The following RFX3 variants were observed in gnomAD, a reference collection of about 807,000 sequenced individuals.
RFX3 encodes the protein transcription factor RFX3.
A neutral mutation model predicts 98.6 loss-of-function variants in RFX3; 14 were observed. The ratio of observed to expected loss-of-function variants is 0.14; its 90% CI spans 0.09 to 0.22. RFX3 has a LOEUF of 0.22. Ranked by LOEUF, RFX3 falls within the 10% of genes least tolerant of loss-of-function variation. The pLI is 1.00. For synonymous variants in RFX3, 383 were observed against 328.4 expected, an observed-to-expected ratio of 1.17 and a Z score of -1.80; for missense variants, 639 against 926.9, an observed-to-expected ratio of 0.69 and a Z score of 4.03.
chr9:3,374,627 G>A (rs562076788), intron 2 of RFX3, among the ~76,000 whole-genome samples: 5 of 152,134 alleles, frequency 3.3e-5, no homozygotes, highest in Admixed American at 6.5e-5. Context: ...GACAAATACA[G>A]TATGATTCTA....
At chr9:3,248,285 T>A in intron 14 of RFX3, 100 bp from the exon 15 acceptor site, 1 of 1,407,318 alleles carries the variant, frequency 7.1e-7, no homozygotes, top group Non-Finnish European at 9.3e-7. Context: ...TGGGAGTCTA[T>A]ATGGTTGGTA....
chr9:3,305,220 T>C (rs1431575327), intron 4 of RFX3, among the ~76,000 whole-genome samples: 1 of 151,970 alleles, frequency 6.6e-6, no homozygotes, highest in Non-Finnish European at 1.5e-5. Context: ...CATGTATATA[T>C]GGGAGTGGTA....
intron 1 of RFX3, among the ~76,000 whole-genome samples, chr9:3,518,118 T>G (rs896116207): frequency 6.6e-6 from 1 of 152,242 alleles, no homozygotes; most frequent in African/African-American, 2.4e-5. Flanking sequence ...TATGCTATAC[T>G]ATATAGCATA....
At chr9:3,338,946 G>A (rs955171510) in intron 3 of RFX3, among the ~76,000 whole-genome samples, 6 of 151,892 alleles carry the variant, frequency 4.0e-5, no homozygotes, top group Non-Finnish European at 7.4e-5. Flanking sequence ...AAAATTAGCC[G>A]GGCGTGGTGG....
chr9:3,437,362 C>T (rs944044371), intron 1 of RFX3, among the ~76,000 whole-genome samples: 2 of 152,048 alleles, frequency 1.3e-5, no homozygotes, highest in African/African-American at 4.8e-5. Flanking sequence ...ATAAACAGGG[C>T]AGAAAGCACC....
At chr9:3,263,182 T>C in intron 12 of RFX3, 98 bp from the exon 13 acceptor site, 2 of 1,270,184 alleles carry the variant, frequency 1.6e-6, no homozygotes, top group South Asian at 1.4e-5. Flanking sequence ...TTTTAAATGC[T>C]TGCCTCTGAC....
intron 1 of RFX3, among the ~76,000 whole-genome samples, chr9:3,433,920 A>G (rs1178928969): frequency 1.3e-5 from 2 of 152,162 alleles, no homozygotes; most frequent in African/African-American, 4.8e-5. Flanking sequence ...TGGCTGTCCC[A>G]ATAAAACATT....
At chr9:3,233,378 C>T (rs1185261791) in intron 15 of RFX3, among the ~76,000 whole-genome samples, 2 of 152,186 alleles carry the variant, frequency 1.3e-5, no homozygotes, top group African/African-American at 4.8e-5. Flanking sequence ...TGGGAGAATG[C>T]AGCCCACAGG....
intron 2 of RFX3, among the ~76,000 whole-genome samples, chr9:3,356,754 T>C (rs1039367939): frequency 6.6e-6 from 1 of 151,924 alleles, no homozygotes; most frequent in African/African-American, 2.4e-5. Flanking sequence ...TCTAATCTAA[T>C]AATATATTTA....
chr9:3,246,875 G>C (rs1426416730), intron 15 of RFX3, among the ~76,000 whole-genome samples: 1 of 152,146 alleles, frequency 6.6e-6, no homozygotes, highest in African/African-American at 2.4e-5. Context: ...TATACAGCAA[G>C]GGGTTTTAAA....
At chr9:3,499,776 T>C (rs151223314) in intron 1 of RFX3, among the ~76,000 whole-genome samples, 2 of 152,228 alleles carry the variant, frequency 1.3e-5, no homozygotes, top group East Asian at 3.9e-4. Context: ...ACAAAAATAA[T>C]AATCATCTTA....
chr9:3,397,606 G>A (rs1351382982), intron 1 of RFX3, among the ~76,000 whole-genome samples: 2 of 152,164 alleles, frequency 1.3e-5, no homozygotes, highest in African/African-American at 4.8e-5. Flanking sequence ...ACTTGTTCAA[G>A]GTGACAGGAG....
chr9:3,269,601 C>G (rs189459212), intron 11 of RFX3, among the ~76,000 whole-genome samples: 4 of 152,022 alleles, frequency 2.6e-5, no homozygotes, highest in African/African-American at 4.8e-5. Context: ...GCGTTTATAT[C>G]GATACTTGAG....
chr9:3,498,028 G>A (rs1204388756), intron 1 of RFX3, among the ~76,000 whole-genome samples: 1 of 151,958 alleles, frequency 6.6e-6, no homozygotes, highest in Non-Finnish European at 1.5e-5. Flanking sequence ...ACAGCTTATT[G>A]CTGTCAAAGA....
At chr9:3,378,186 T>C (rs1452367666) in intron 2 of RFX3, among the ~76,000 whole-genome samples, 1 of 152,178 alleles carries the variant, frequency 6.6e-6, no homozygotes, top group East Asian at 1.9e-4. Context: ...AGAGCCAACT[T>C]CTTATTTAGG....
intron 1 of RFX3, among the ~76,000 whole-genome samples, chr9:3,523,034 C>T (rs911369574): frequency 3.3e-5 from 5 of 152,030 alleles, no homozygotes; most frequent in Admixed American, 2.6e-4. Flanking sequence ...CATTGTGAAA[C>T]GATGCAAAAC....
intron 7 of RFX3, 138 bp from the exon 8 acceptor site, chr9:3,277,599 T>C: frequency 2.9e-6 from 2 of 688,108 alleles, no homozygotes. Context: ...TTTTCCTTGA[T>C]AGTCTCATAA....
intron 2 of RFX3, among the ~76,000 whole-genome samples, chr9:3,391,650 G>A (rs1263988646): frequency 2.6e-5 from 4 of 152,088 alleles, no homozygotes; most frequent in Non-Finnish European, 5.9e-5. Flanking sequence ...TTTTTATGAG[G>A]TCAAGAATGA....
intron 2 of RFX3, among the ~76,000 whole-genome samples, chr9:3,357,445 C>A (rs1011595276): frequency 1.3e-5 from 2 of 151,786 alleles, no homozygotes; most frequent in Non-Finnish European, 2.9e-5. Flanking sequence ...TTTGCAGTTA[C>A]AATTACAAGA....
Sources: gnomAD v4.1 joint callset for allele counts (sites outside exome capture counted in the v4.1 genomes callset) on GRCh38, gnomAD v4.1.1 for gene constraint, MANE v1.5 for transcripts, NCBI Gene and HGNC (gene_info 2026-07-23, HGNC 2026-07-21) for gene names.